SETBP1: variants seen among roughly 807,000 people sequenced by gnomAD.
The protein encoded by SETBP1 is SET binding protein 1, also known as SET-binding protein.
In SETBP1, 9 loss-of-function variants were observed where a neutral mutation model predicts 101.0. The observed-to-expected ratio is 0.09, with a 90% CI of 0.05 to 0.16. The LOEUF (loss-of-function observed/expected upper bound fraction) is 0.16, where lower values mean the gene tolerates loss of function less well. Among genes scored for constraint, SETBP1 ranks in the 10% least tolerant of loss-of-function variants. SETBP1 has a pLI of 1.00. For synonymous variants in SETBP1, 818 were observed against 788.5 expected (o/e 1.04, Z -0.63); for missense variants, 1,858 against 2,033.8 (o/e 0.91, Z 1.66).
intron 5 of SETBP1, among the ~76,000 whole-genome samples, 167 bp from the exon 6 acceptor site, chr18:45,062,912 T>C (rs1295511902): frequency 6.6e-6 from 1 of 152,112 alleles, no homozygotes; most frequent in Non-Finnish European, 1.5e-5. Context: ...TTTGTTTTTA[T>C]TTTAATAAAG....
intron 5 of SETBP1, among the ~76,000 whole-genome samples, chr18:45,045,205 C>T (rs1015612975): frequency 2.0e-5 from 3 of 152,134 alleles, no homozygotes; most frequent in East Asian, 1.9e-4. Context: ...AGGTGGATCA[C>T]GAGGTCAGGA....
chr18:44,934,366 G>C (rs8090822), intron 3 of SETBP1, among the ~76,000 whole-genome samples: 79,408 of 151,966 alleles, frequency 0.52, 21,001 homozygotes, highest in East Asian at 0.73. Context: ...CCAGGCTGGT[G>C]TTGAACTCCT....
chr18:44,734,276 C>T (rs2069910600), intron 2 of SETBP1, among the ~76,000 whole-genome samples: 2 of 152,166 alleles, frequency 1.3e-5, no homozygotes, highest in Non-Finnish European at 2.9e-5. Flanking sequence ...ATTTGTCATT[C>T]ATGAGCTATT....
At chr18:44,973,745 G>A (rs939775441) in intron 4 of SETBP1, among the ~76,000 whole-genome samples, 1 of 152,194 alleles carries the variant, frequency 6.6e-6, no homozygotes, top group Non-Finnish European at 1.5e-5. Context: ...AATGCTGGTA[G>A]GGCTGCCTCA....
At chr18:44,736,413 CACAAG>C (rs977755113) in intron 2 of SETBP1, among the ~76,000 whole-genome samples, 1 of 152,134 alleles carries the variant, frequency 6.6e-6, no homozygotes, top group Non-Finnish European at 1.5e-5. Flanking sequence ...TGCAAAAGAA[CACAAG>C]ACAAGTCTTT....
rs186229822 is a variant in SETBP1, at chr18:44,840,920, T to C, written c.487-28310T>C. Among the ~76,000 whole-genome samples the C allele has an allele frequency of 1.2e-4, 19 of 152,324 alleles. 1 individual carries two copies. Among genetic ancestry groups the C allele is most frequent in the Non-Finnish European group, 7.4e-5 (5 of 68,026 alleles). Reference sequence around the variant, plus strand: ...TTTAATAGCTTCTAAGTGATTCTAATATGTAGCCAGGGTTGGAAACTTATG... The same window carrying C: ...TTTAATAGCTTCTAAGTGATTCTAACATGTAGCCAGGGTTGGAAACTTATG... On this transcript the variant is annotated intron_variant, in intron 2 of 5. Coordinates refer to ENST00000649279, the MANE Select transcript of SETBP1 (RefSeq NM_015559.3).
intron 4 of SETBP1, among the ~76,000 whole-genome samples, chr18:45,036,511 A>G (rs553620637): frequency 6.6e-6 from 1 of 152,310 alleles, no homozygotes; most frequent in South Asian, 2.1e-4. Flanking sequence ...TGCAAATTTT[A>G]CAAACAAGGC....
At chr18:44,919,173 G>T (rs1312401411) in intron 3 of SETBP1, among the ~76,000 whole-genome samples, 1 of 152,124 alleles carries the variant, frequency 6.6e-6, no homozygotes, top group African/African-American at 2.4e-5. Context: ...GTAAATATTT[G>T]TTGAACAAAA....
rs1018470585 is a variant in SETBP1, at chr18:44,706,591, CAAAAAAAAAAAAAAAAA to C, written c.486+4778_486+4794del. Among the ~76,000 whole-genome samples, 35 of 16,990 alleles carry C rather than the reference CAAAAAAAAAAAAAAAAA, an allele frequency of 2.1e-3. No individual in the cohort carries two copies. The South Asian group carries it at 0.1, about 50-fold the overall frequency. The allele number at this position is 16,990 out of a possible 152,430, so 11.1% of individuals were successfully genotyped here. On this transcript the variant is annotated intron_variant, in intron 2 of 5. Transcript: ENST00000649279. ...TGGGTGACAGAATGAGACTCAATCT[CAAAAAAAAAAAAAAAAA>C]AAAAAAAAAAAAAAAAAATTCCAGT...
At chr18:44,684,642 ATAAT>A (rs759504183) in intron 1 of SETBP1, among the ~76,000 whole-genome samples, 1 of 151,516 alleles carries the variant, frequency 6.6e-6, no homozygotes, top group Non-Finnish European at 1.5e-5. Flanking sequence ...GAACCATTAA[ATAAT>A]TAATTAATTA....
At chr18:45,024,055 C>T (rs952172750) in intron 4 of SETBP1, among the ~76,000 whole-genome samples, 4 of 152,168 alleles carry the variant, frequency 2.6e-5, no homozygotes, top group African/African-American at 9.7e-5. Context: ...CAATTACTGA[C>T]TAACGTATTT....
At chr18:45,014,627 A>G (rs992659774) in intron 4 of SETBP1, among the ~76,000 whole-genome samples, 1 of 152,158 alleles carries the variant, frequency 6.6e-6, no homozygotes, top group African/African-American at 2.4e-5. Flanking sequence ...GATTCTTGAC[A>G]GGGTCAAGAA....
intron 2 of SETBP1, among the ~76,000 whole-genome samples, chr18:44,750,188 C>A (rs1285682570): frequency 6.6e-6 from 1 of 152,160 alleles, no homozygotes; most frequent in Non-Finnish European, 1.5e-5. Context: ...CATAGACTGG[C>A]TGGCTTTAAC....
intron 1 of SETBP1, among the ~76,000 whole-genome samples, chr18:44,683,080 G>A (rs2068786447): frequency 1.3e-5 from 2 of 152,172 alleles, no homozygotes; most frequent in Admixed American, 1.3e-4. Context: ...GGTTAAGAAG[G>A]GGGCCACTTC....
At chr18:44,821,378 C>T (rs1406693749) in intron 2 of SETBP1, among the ~76,000 whole-genome samples, 1 of 152,332 alleles carries the variant, frequency 6.6e-6, no homozygotes, top group East Asian at 1.9e-4. Context: ...TTTCCTCAGA[C>T]ATTCTTTGTC....
chr18:44,744,491 G>C (rs1599063550), intron 2 of SETBP1, among the ~76,000 whole-genome samples: 1 of 152,264 alleles, frequency 6.6e-6, no homozygotes, highest in African/African-American at 2.4e-5. Flanking sequence ...ATGTGTGTGC[G>C]CCCTACTGTA....
intron 4 of SETBP1, among the ~76,000 whole-genome samples, chr18:44,959,388 G>T (rs1287390239): frequency 6.6e-6 from 1 of 152,208 alleles, no homozygotes; most frequent in African/African-American, 2.4e-5. Flanking sequence ...CTAGGCTTGA[G>T]CCAGTATAGC....
chr18:45,028,340 T>G (rs1373703065), intron 4 of SETBP1, among the ~76,000 whole-genome samples: 2 of 152,090 alleles, frequency 1.3e-5, no homozygotes, highest in African/African-American at 2.4e-5. Context: ...GGACATGAAC[T>G]CATCATTTTT....
chr18:44,909,812 C>A (rs60843055), intron 3 of SETBP1, among the ~76,000 whole-genome samples: 36 of 152,242 alleles, frequency 2.4e-4, no homozygotes, highest in African/African-American at 8.4e-4. Context: ...CCGAGACGTA[C>A]CATGCTATAC....
Sources: gnomAD v4.1 joint callset for allele counts (sites outside exome capture counted in the v4.1 genomes callset) on GRCh38, gnomAD v4.1.1 for gene constraint, MANE v1.5 for transcripts, NCBI Gene and HGNC (gene_info 2026-07-23, HGNC 2026-07-21) for gene names.